HGF: variants seen among roughly 807,000 people sequenced by gnomAD.
HGF encodes fibroblast-derived tumor cytotoxic factor.
HGF carries 39 observed loss-of-function variants against 111.6 expected under a neutral mutation model. The observed-to-expected ratio is 0.35, with a 90% CI of 0.27 to 0.46. The LOEUF (loss-of-function observed/expected upper bound fraction) is 0.46, where lower values mean the gene tolerates loss of function less well. Ranked by LOEUF, HGF falls within the 20% of genes least tolerant of loss-of-function variation. HGF has a pLI of 1.00. For synonymous variants in HGF, 285 were observed against 294.8 expected (o/e 0.97, Z 0.34); for missense variants, 735 against 910.5 (o/e 0.81, Z 2.48).
At chr7:81,717,805 A>G (rs1352637730) in intron 10 of HGF, among the ~76,000 whole-genome samples, 1 of 152,214 alleles carries the variant, frequency 6.6e-6, no homozygotes, top group Non-Finnish European at 1.5e-5. Context: ...CCATATCACT[A>G]TGACAGAGTA....
chr7:81,716,983 T>A (rs1258871593), intron 11 of HGF, among the ~76,000 whole-genome samples: 4 of 152,128 alleles, frequency 2.6e-5, no homozygotes, highest in African/African-American at 9.7e-5. Context: ...CCAATGGAAA[T>A]CTTCTGAGGG....
At chr7:81,720,468 T>G (rs1187309184) in intron 10 of HGF, among the ~76,000 whole-genome samples, 1 of 152,190 alleles carries the variant, frequency 6.6e-6, no homozygotes, top group Non-Finnish European at 1.5e-5. Context: ...AACCAAAACA[T>G]TATCCACTTT....
rs543588941 is a variant in HGF, at chr7:81,764,192, CTAAG to C, written c.89-1324_89-1321del. The stretch of plus-strand genomic sequence containing the variant: ...GAGGTACCAAAAATGCCATCATACT[CTAAG>C]TTTGTCAGCAACCACTGGCTCCAGT... On this transcript the variant is annotated intron_variant, in intron 1 of 17. Transcript: ENST00000222390. Among the ~76,000 whole-genome samples the C allele has an allele frequency of 3.2e-4, 48 of 152,206 alleles. 1 individual carries two copies. In the South Asian group the frequency reaches 8.3e-3, roughly 26 times the overall value.
intron 1 of HGF, 36 bp downstream of exon 1, chr7:81,769,841 TTAAATAC>T: frequency 2.8e-6 from 4 of 1,411,658 alleles, no homozygotes; most frequent in Non-Finnish European, 3.9e-6. Flanking sequence ...AGCAGGAGAG[TTAAATAC>T]TAATACTAAT....
intron 9 of HGF, 46 bp downstream of exon 9, chr7:81,725,844 T>C: frequency 1.2e-6 from 2 of 1,605,318 alleles, no homozygotes; most frequent in Non-Finnish European, 1.7e-6. Context: ...TTTAGGCATT[T>C]CCCCTGAATT....
rs201944034 is a variant in HGF, at chr7:81,717,382, C to A, written c.1272-17G>T. 116 of 1,610,406 alleles carry A rather than the reference C, an allele frequency of 7.2e-5. 1 individual carries two copies. The highest frequency in any genetic ancestry group is 4.5e-4 in the South Asian group (41 of 91,022). On this transcript the variant is annotated splice_polypyrimidine_tract_variant and intron_variant, in intron 10 of 17. Transcript: ENST00000222390. ...AAGATATGACTGTGGAAACAACAGG[C>A]CTTGCACATCACAAGATGCTCATTC... is the stretch of plus-strand genomic sequence containing the variant.
chr7:81,749,138 C>G (rs921097843), intron 5 of HGF, among the ~76,000 whole-genome samples: 31 of 152,180 alleles, frequency 2.0e-4, no homozygotes, highest in African/African-American at 7.5e-4. Context: ...ATCTTTGTAA[C>G]TTGCCATTTA....
At chr7:81,736,814 G>A (rs1787841579) in intron 7 of HGF, 1 of 444,668 alleles carries the variant, frequency 2.2e-6, no homozygotes, top group South Asian at 1.6e-5. Flanking sequence ...ATATAGATAG[G>A]CGGTAACAGA....
intron 1 of HGF, among the ~76,000 whole-genome samples, chr7:81,765,462 C>T (rs142244956): frequency 0.013 from 1,910 of 152,130 alleles, 20 homozygotes; most frequent in Non-Finnish European, 0.018. Context: ...TTTCCCTTTA[C>T]TAGATAACAA....
chr7:81,749,231 A>G (rs1304265735), intron 5 of HGF, among the ~76,000 whole-genome samples: 1 of 152,090 alleles, frequency 6.6e-6, no homozygotes. Flanking sequence ...TTTTAAATGT[A>G]TTGTATTTTT....
intron 7 of HGF, chr7:81,736,769 T>C (rs908531132): frequency 2.1e-6 from 1 of 466,466 alleles, no homozygotes; most frequent in Non-Finnish European, 4.3e-6. Flanking sequence ...TGGAGAGAAA[T>C]GTGGAGGTAT....
chr7:81,715,537 T>G (rs938431120), intron 11 of HGF, among the ~76,000 whole-genome samples: 11 of 152,210 alleles, frequency 7.2e-5, no homozygotes, highest in Admixed American at 5.9e-4. Flanking sequence ...GCCATTTATT[T>G]GCAAACATAT....
At chr7:81,728,502 T>G (rs1267518371) in intron 8 of HGF, among the ~76,000 whole-genome samples, 2 of 152,196 alleles carry the variant, frequency 1.3e-5, no homozygotes, top group Non-Finnish European at 2.9e-5. Context: ...TGTTTCTTTG[T>G]TTTTTCTACT....
At chr7:81,757,114 C>A in intron 4 of HGF, 75 bp downstream of exon 4, 1 of 812,122 alleles carries the variant, frequency 1.2e-6, no homozygotes. Flanking sequence ...TAGAATTATT[C>A]TGAAGGACTA....
intron 8 of HGF, among the ~76,000 whole-genome samples, chr7:81,726,593 T>C (rs546349984): frequency 2.4e-4 from 36 of 152,312 alleles, no homozygotes; most frequent in African/African-American, 8.4e-4. Flanking sequence ...AGCAATTATT[T>C]ATTGATTTAG....
rs59876148 is a variant in HGF, at chr7:81,705,870, T to TAA, written c.1758-119_1758-118dup. On this transcript the variant is annotated intron_variant, in intron 15 of 17. Transcript: ENST00000222390. ...TTACAGAGAATGAAGTCCTGTTTCT[T>TAA]AAAAAAAAAAAAAAAAAGGTGGGAA... The TAA allele has an allele frequency of 7.3e-4, 395 of 537,818 alleles. No homozygotes were observed. In the East Asian group the frequency reaches 9.0e-3, roughly 12 times the overall value. The allele number at this position is 537,818 out of a possible 1,614,324, so 33.3% of individuals were successfully genotyped here. A position where few individuals can be genotyped will look rare whatever the true frequency, so the allele number is the denominator to read the frequency against.
chr7:81,754,745 C>A (rs1056861037), intron 4 of HGF, among the ~76,000 whole-genome samples: 1 of 151,514 alleles, frequency 6.6e-6, no homozygotes, highest in Non-Finnish European at 1.5e-5. Flanking sequence ...TGTTAGTGTC[C>A]CAATGTATTT....
intron 9 of HGF, among the ~76,000 whole-genome samples, chr7:81,724,892 A>G (rs1028860757): frequency 2.0e-5 from 3 of 152,098 alleles, no homozygotes; most frequent in Non-Finnish European, 4.4e-5. Context: ...ATCTATTTCA[A>G]TCTGATTTTA....
At position 81,745,051 on chromosome 7, in the gene HGF, C is replaced by T. The variant is rs1788180298; in HGVS notation, c.695G>A (p.Cys232Tyr). 6.2e-7 allele frequency: 1 copy of T among 1,614,022 alleles called. No homozygotes were observed. The highest frequency in any genetic ancestry group is 8.5e-7 in the Non-Finnish European group (1 of 1,179,974). ...LMDHTESGKICQRWDHQTPHR... is the reference protein window; with the variant it reads ...LMDHTESGKIYQRWDHQTPHR... Reference sequence around the variant, plus strand: ...TGGTGTCTGATGATCCCAGCGCTGACAAATCTTGCCTGATTCTGTATGATC... The same window carrying T: ...TGGTGTCTGATGATCCCAGCGCTGATAAATCTTGCCTGATTCTGTATGATC... Residue 232 changes from cysteine to tyrosine, a missense_variant, in exon 6 of 18, where the codon TGT becomes TAT. Physicochemically the swap from Cys to Tyr is radical, Grantham distance 194. Around this residue, in one of 3 missense-constraint regions of HGF, gnomAD observed 553 missense variants for 685.6 expected, o/e 0.81. Transcript: ENST00000222390.
Sources: gnomAD v4.1 joint callset for allele counts (sites outside exome capture counted in the v4.1 genomes callset) on GRCh38, gnomAD v4.1.1 for gene constraint, gnomAD v4.1.1 regional missense constraint, MANE v1.5 for transcripts, NCBI Gene and HGNC (gene_info 2026-07-23, HGNC 2026-07-21) for gene names.